NINL: variants seen among roughly 807,000 people sequenced by gnomAD.
NINL encodes the protein ninein-like protein.
A neutral mutation model predicts 160.3 loss-of-function variants in NINL; 153 were observed. The observed-to-expected ratio is 0.95, with a 90% CI of 0.84 to 1.09. The LOEUF is 1.09. NINL is among the 50% of genes least tolerant of loss of function. NINL has a pLI of 0.00. For synonymous variants in NINL, 800 were observed against 734.8 expected, an observed-to-expected ratio of 1.09 and a Z score of -1.43; for missense variants, 1,829 against 1,764.0, an observed-to-expected ratio of 1.04 and a Z score of -0.66.
intron 11 of NINL, among the ~76,000 whole-genome samples, chr20:25,490,782 C>T (rs188981798): frequency 1.6e-4 from 25 of 152,148 alleles, no homozygotes; most frequent in African/African-American, 5.1e-4. Flanking sequence ...TCAGGCTGCC[C>T]AGCCTCTCCT....
intron 19 of NINL, among the ~76,000 whole-genome samples, chr20:25,463,563 C>A (rs2062841724): frequency 6.6e-6 from 1 of 152,226 alleles, no homozygotes; most frequent in African/African-American, 2.4e-5. Context: ...CGGTCTGGAC[C>A]ACGGAGGCTC....
rs202206229 is a variant in NINL at position 25,517,789 on chromosome 20, G to A, written c.241C>T (p.Arg81Cys). The A allele has an allele frequency of 8.7e-5, 140 of 1,607,436 alleles. No homozygotes were observed. Among genetic ancestry groups the A allele is most frequent in the South Asian group, 4.8e-4 (43 of 89,462 alleles). ...VAVLSSNAGV[R>C]PSDEDSSSLE... ...GAACTACTGTCTTCATCTGAGGGGC[G>A]AACACCAGCATTTGAAGACAACACA... The change falls in exon 3 of 24, where the codon CGC (arginine) becomes TGC (cysteine). Residue 81 changes from arginine to cysteine, a missense_variant. Physicochemically the swap from Arg to Cys is radical, Grantham distance 180 (BLOSUM62 -3). Coordinates refer to ENST00000278886, the MANE Select transcript of NINL (RefSeq NM_025176.6).
chr20:25,524,789 G>A (rs2064326247), intron 2 of NINL, among the ~76,000 whole-genome samples: 1 of 152,042 alleles, frequency 6.6e-6, no homozygotes. Context: ...AGCAGAGCCT[G>A]CAATCTGAAC....
In NINL at chr20:25,512,852, C is replaced by T. The variant is rs117503448; in HGVS notation, c.432G>A (p.Ala144=). ...ASLKSHLWRS[A]SLESVESPKS... is the part of the protein sequence containing the mutation. ...GACCCACCTCCACGCTCTCCAGAGA[C>T]GCTGAGCGCCAGAGGTGACTTTTCA... is the stretch of plus-strand genomic sequence containing the variant. Residue 144 remains alanine (A), a synonymous_variant, in exon 4 of 24, where the codon GCG becomes GCA. Transcript: ENST00000278886. 77 of 1,613,414 alleles carry T rather than the reference C, an allele frequency of 4.8e-5. 1 individual carries two copies. The East Asian group carries it at 1.3e-3, about 27-fold the overall frequency.
At chr20:25,475,978 T>C (rs547116888) in intron 17 of NINL, 65 bp downstream of exon 17, 6 of 1,505,326 alleles carry the variant, frequency 4.0e-6, no homozygotes, top group Non-Finnish European at 5.4e-6. Context: ...GCAACAGGGG[T>C]CAGTGGGTTA....
chr20:25,456,710 C>G (rs1349843830), intron 22 of NINL, among the ~76,000 whole-genome samples: 2 of 151,810 alleles, frequency 1.3e-5, no homozygotes, highest in Non-Finnish European at 2.9e-5. Flanking sequence ...GCGGGTAGAT[C>G]ACCTGAGGTC....
Position 25,503,991 on chromosome 20 carries a change from G to A in NINL, c.822C>T (p.Ser274=). 1 of 1,614,126 alleles carries A rather than the reference G, an allele frequency of 6.2e-7. No individual in the cohort carries two copies. Among genetic ancestry groups the A allele is most frequent in the Non-Finnish European group, 8.5e-7 (1 of 1,179,974 alleles). ...AAGCCTTGCTCGGTTTAACCCGAGT[G>A]GAAGACTCTAGAAGTAGCGCGGGCT... ...SHEPALLLES[S]TRVKPSKAWS... The change falls in exon 7 of 24, where the codon TCC becomes TCT. Residue 274 remains serine (S), a synonymous_variant. Coordinates refer to ENST00000278886, the MANE Select transcript of NINL (RefSeq NM_025176.6).
chr20:25,574,620 T>C (rs2065094191), intron 1 of NINL, among the ~76,000 whole-genome samples: 1 of 152,174 alleles, frequency 6.6e-6, no homozygotes, highest in Non-Finnish European at 1.5e-5. Flanking sequence ...GCTCCTCCTG[T>C]TGGACCTTCT....
rs1336444612 is a variant in NINL at position 25,476,195 on chromosome 20, C to G, written c.3096G>C (p.Gln1032His). ...CAGCAAGCTGCTCCTGCCAGGAACC[C>G]TGCGGGTCTGCGAGCTGGAGGTGGG... is the stretch of plus-strand genomic sequence containing the variant. Reference protein sequence around the residue: ...LPSHLQLADPQGSWQEQLAAP... With the variant: ...LPSHLQLADPHGSWQEQLAAP... The change falls in exon 17 of 24, where the codon CAG (glutamine) becomes CAC (histidine). Residue 1032 changes from glutamine to histidine, a missense_variant. By Grantham distance (24) the Gln-to-His change is conservative. Coordinates refer to ENST00000278886, the MANE Select transcript of NINL (RefSeq NM_025176.6). 2 of 1,614,208 alleles carry G rather than the reference C, an allele frequency of 1.2e-6. No homozygotes were observed. The highest frequency in any genetic ancestry group is 1.1e-5 in the South Asian group (1 of 91,092).
intron 22 of NINL, among the ~76,000 whole-genome samples, chr20:25,457,628 T>A (rs2090721637): frequency 6.6e-6 from 1 of 152,222 alleles, no homozygotes; most frequent in Admixed American, 6.5e-5. Context: ...TTACCCACTT[T>A]TCAAGTCGTG....
At chr20:25,471,372 A>G (rs557713012) in intron 17 of NINL, among the ~76,000 whole-genome samples, 1 of 152,200 alleles carries the variant, frequency 6.6e-6, no homozygotes, top group Non-Finnish European at 1.5e-5. Flanking sequence ...AAAGACAAAA[A>G]TAAATAGTCA....
At chr20:25,491,321 G>A (rs368070711) in intron 11 of NINL, 30 bp downstream of exon 11, 52 of 1,582,496 alleles carry the variant, frequency 3.3e-5, no homozygotes, top group South Asian at 4.5e-5. Flanking sequence ...CACCCCCCCA[G>A]CTTCCTGGAT....
chr20:25,516,451 T>C lies in NINL; in HGVS notation c.277+1302A>G, dbSNP rs368565131. On this transcript the variant is annotated intron_variant, in intron 3 of 23. Transcript: ENST00000278886. ...AAGTTCCGAACAGTTTGTTGTTTCT[T>C]TGGAAGCACTGACAACATGTCCCAC... is the stretch of plus-strand genomic sequence containing the variant. 3.5e-4 allele frequency among the ~76,000 whole-genome samples: 53 copies of C among 152,282 alleles called. No homozygotes were observed. The East Asian group carries it at 8.9e-3, about 25-fold the overall frequency.
chr20:25,564,143 TTTTTC>T (rs2064974444), intron 1 of NINL, among the ~76,000 whole-genome samples: 2 of 151,376 alleles, frequency 1.3e-5, no homozygotes, highest in African/African-American at 4.9e-5. Context: ...GGCTTTTTTT[TTTTTC>T]TTTTTTCTTT....
chr20:25,467,135 G>C (rs2062933819), intron 19 of NINL, among the ~76,000 whole-genome samples: 1 of 152,192 alleles, frequency 6.6e-6, no homozygotes, highest in Non-Finnish European at 1.5e-5. Flanking sequence ...TGCAGGGGAT[G>C]CCTGTGGTCC....
Position 25,476,704 on chromosome 20 carries a change from G to A in NINL, c.2587C>T (p.Pro863Ser). The A allele has an allele frequency of 6.3e-7, 1 of 1,597,458 alleles. No homozygotes were observed. The highest frequency in any genetic ancestry group is 8.5e-7 in the Non-Finnish European group (1 of 1,176,276). ...TCCTCAGACTCTCTGCCATCACCTGGGGCCAGCCAGGCCAGTGGCCGCTCC... is the reference window on the plus strand; with the variant it reads ...TCCTCAGACTCTCTGCCATCACCTGAGGCCAGCCAGGCCAGTGGCCGCTCC... ...CGERPLAWLA[P>S]GDGRESEEAA... Residue 863 changes from proline (P) to serine (S), a missense_variant, in exon 17 of 24, where the codon CCA becomes TCA. By Grantham distance (74) the Pro-to-Ser change is moderately conservative. Transcript: ENST00000278886.
At chr20:25,576,808 A>G (rs2065121068) in intron 1 of NINL, among the ~76,000 whole-genome samples, 1 of 152,228 alleles carries the variant, frequency 6.6e-6, no homozygotes, top group African/African-American at 2.4e-5. Flanking sequence ...GTCTTACTTT[A>G]TGTGCACAGT....
chr20:25,502,041 A>C (rs2063878639), intron 7 of NINL, among the ~76,000 whole-genome samples: 1 of 152,136 alleles, frequency 6.6e-6, no homozygotes, highest in Non-Finnish European at 1.5e-5. Context: ...GAGTGCAGTG[A>C]TGCGATCTCA....
At chr20:25,542,749 G>T (rs1600313291) in intron 1 of NINL, among the ~76,000 whole-genome samples, 1 of 94,438 alleles carries the variant, frequency 1.1e-5, no homozygotes, top group African/African-American at 4.6e-5. Flanking sequence ...AAAAAAAAAA[G>T]CCTGGGCGTG....
Sources: allele counts gnomAD v4.1 joint callset (sites outside exome capture counted in the v4.1 genomes callset), GRCh38; gene constraint gnomAD v4.1.1; transcripts MANE v1.5; gene names NCBI Gene and HGNC (gene_info 2026-07-23, HGNC 2026-07-21).